LOXHD1: variants seen among roughly 807,000 people sequenced by gnomAD.
The protein encoded by LOXHD1 is lipoxygenase homology PLAT domains 1, also known as lipoxygenase homology domain-containing protein 1.
LOXHD1 carries 205 observed loss-of-function variants against 248.2 expected under a neutral mutation model. The observed-to-expected ratio is 0.83, with a 90% CI of 0.74 to 0.93. LOXHD1 has a LOEUF of 0.93. Among genes scored for constraint, LOXHD1 ranks in the 40% least tolerant of loss-of-function variants. The probability of loss-of-function intolerance (pLI) is 0.00; values close to 1 mark genes in which losing one functional copy is unlikely to be tolerated. For synonymous variants in LOXHD1, 1,113 were observed against 1,162.8 expected (o/e 0.96, Z 0.87); for missense variants, 2,930 against 2,971.6 (o/e 0.99, Z 0.33).
At chr18:46,596,108 A>G (rs1367145249) in intron 8 of LOXHD1, among the ~76,000 whole-genome samples, 1 of 151,460 alleles carries the variant, frequency 6.6e-6, no homozygotes, top group Non-Finnish European at 1.5e-5. Flanking sequence ...TTTGTTAAAC[A>G]TAACTATCCT....
rs555276019 is a variant in LOXHD1 at position 46,591,446 on chromosome 18, T to TG, written c.1654+486_1654+487insC. 7.2e-5 allele frequency among the ~76,000 whole-genome samples: 11 copies of TG among 152,352 alleles called. No homozygotes were observed. In the East Asian group the frequency reaches 2.1e-3, roughly 29 times the overall value. ...CTAGAGGCAAAATGACTTCTTCCCT[T>TG]TGGCTATTTGAATGTGGCTCCTGGA... On this transcript the variant is annotated intron_variant, in intron 12 of 40. Transcript: ENST00000642948.
intron 22 of LOXHD1, among the ~76,000 whole-genome samples, chr18:46,545,819 C>G (rs539004702): frequency 1.1e-3 from 165 of 150,932 alleles, no homozygotes; most frequent in African/African-American, 4.0e-3. Flanking sequence ...TTAGTAGAGA[C>G]GGGGTTTCAC....
At chr18:46,588,975 G>A (rs1321618979) in intron 12 of LOXHD1, among the ~76,000 whole-genome samples, 2 of 152,196 alleles carry the variant, frequency 1.3e-5, no homozygotes, top group African/African-American at 4.8e-5. Context: ...AGAAGGGGCA[G>A]CTTCACGGGA....
intron 2 of LOXHD1, among the ~76,000 whole-genome samples, chr18:46,648,578 G>A (rs7233030): frequency 0.11 from 16,651 of 152,156 alleles, 978 homozygotes; most frequent in Middle Eastern, 0.17. Flanking sequence ...TGGTGTATGC[G>A]TGCATGCAGT....
At chr18:46,559,233 A>C in intron 20 of LOXHD1, 1 of 1,504,478 alleles carries the variant, frequency 6.6e-7, no homozygotes, top group Non-Finnish European at 8.9e-7. Flanking sequence ...CAGCTGGCCC[A>C]TGGGCTCTAG....
chr18:46,591,919 C>T lies in LOXHD1; in HGVS notation c.1654+14G>A. 3 of 1,551,604 alleles carry T rather than the reference C, an allele frequency of 1.9e-6. No individual in the cohort carries two copies. The highest frequency in any genetic ancestry group is 2.6e-6 in the Non-Finnish European group (3 of 1,146,858). On this transcript the variant is annotated intron_variant, in intron 12 of 40. Transcript: ENST00000642948. ...TCCACTGCCTCCCAGGATGGAGAGC[C>T]TGTCAGTACTTACTGCCCATGATCC... is the stretch of plus-strand genomic sequence containing the variant.
chr18:46,656,907 T>A lies in LOXHD1; in HGVS notation c.127A>T (p.Arg43Ter). Reference sequence around the variant, plus strand: ...CCCGCAGGCTGGGACCCCGCACCTCTGGCCTTGTAGTACTCGTGTTCCAGC... The same window carrying A: ...CCCGCAGGCTGGGACCCCGCACCTCAGGCCTTGTAGTACTCGTGTTCCAGC... ...GELEHEYYKA[R>*]VYEVVTATGD... Residue 43 changes from arginine to a stop codon, truncating the protein, a stop_gained, in exon 1 of 41, where the codon AGA becomes TGA. Coordinates refer to ENST00000642948, the MANE Select transcript of LOXHD1 (RefSeq NM_001384474.1). LOFTEE classifies it high-confidence loss of function. 1.9e-6 allele frequency: 3 copies of A among 1,551,488 alleles called. No homozygotes were observed. The highest frequency in any genetic ancestry group is 2.6e-6 in the Non-Finnish European group (3 of 1,146,852).
chr18:46,639,060 C>T (rs1161677497), intron 4 of LOXHD1, among the ~76,000 whole-genome samples: 3 of 152,164 alleles, frequency 2.0e-5, no homozygotes, highest in African/African-American at 2.4e-5. Context: ...ATCTGCCTCC[C>T]ATTATTCCCG....
intron 15 of LOXHD1, among the ~76,000 whole-genome samples, chr18:46,570,833 C>T (rs919930993): frequency 1.2e-4 from 19 of 152,318 alleles, no homozygotes; most frequent in African/African-American, 4.3e-4. Context: ...GGGCCACATG[C>T]GTGCGGGCTG....
intron 26 of LOXHD1, among the ~76,000 whole-genome samples, chr18:46,535,111 T>C (rs1254498406): frequency 1.3e-5 from 2 of 152,166 alleles, no homozygotes; most frequent in Non-Finnish European, 2.9e-5. Flanking sequence ...TGTTGCATAG[T>C]GGAGCCCCTC....
chr18:46,610,984 C>A, intron 5 of LOXHD1, 60 bp from the exon 6 acceptor site: 9 of 1,533,390 alleles, frequency 5.9e-6, no homozygotes, highest in East Asian at 2.5e-5. Flanking sequence ...AATTTCCAAG[C>A]CTTCATGGTC....
At chr18:46,651,624 GCTACTTCTTA>G (rs1568235720) in intron 1 of LOXHD1, among the ~76,000 whole-genome samples, 1 of 151,886 alleles carries the variant, frequency 6.6e-6, no homozygotes, top group African/African-American at 2.4e-5. Flanking sequence ...GGGATGCACA[GCTACTTCTTA>G]AATGGACACA....
chr18:46,618,801 G>A (rs2038627021), intron 4 of LOXHD1, among the ~76,000 whole-genome samples: 1 of 152,196 alleles, frequency 6.6e-6, no homozygotes, highest in Non-Finnish European at 1.5e-5. Context: ...TTCTGCAGAT[G>A]AAAATCAAAT....
At position 46,477,707 on chromosome 18, in the gene LOXHD1, T is replaced by C. The variant is rs2032132817; in HGVS notation, c.6587A>G (p.Asn2196Ser). Residue 2196 changes from asparagine (N) to serine (S), a missense_variant, in exon 41 of 41, where the codon AAC becomes AGC. Transcript: ENST00000642948. ...GKRELKQKMRNLFERGSTDRF... is the reference protein window; with the variant it reads ...GKRELKQKMRSLFERGSTDRF... ...GTCTGTGCTGCCCCGCTCGAAGAGGTTGCGCATTTTCTGCTTCAGCTCCCG... is the reference window on the plus strand; with the variant it reads ...GTCTGTGCTGCCCCGCTCGAAGAGGCTGCGCATTTTCTGCTTCAGCTCCCG... 1.3e-6 allele frequency: 2 copies of C among 1,551,860 alleles called. No individual in the cohort carries two copies. Among genetic ancestry groups the C allele is most frequent in the Non-Finnish European group, 1.7e-6 (2 of 1,147,022 alleles).
At chr18:46,648,724 G>A (rs1003757986) in intron 2 of LOXHD1, among the ~76,000 whole-genome samples, 5 of 152,198 alleles carry the variant, frequency 3.3e-5, no homozygotes, top group Non-Finnish European at 7.3e-5. Flanking sequence ...ATGGCTGGCA[G>A]GCAGGTTTAA....
At chr18:46,651,294 A>G (rs1488176354) in intron 1 of LOXHD1, among the ~76,000 whole-genome samples, 1 of 152,092 alleles carries the variant, frequency 6.6e-6, no homozygotes, top group African/African-American at 2.4e-5. Context: ...GCAGCCATAT[A>G]TTTGCACAAC....
rs1169021433 is a variant in LOXHD1, at chr18:46,604,133, T to G, written c.856A>C (p.Ile286Leu). The change falls in exon 7 of 41, where the codon ATC becomes CTC. Residue 286 changes from isoleucine to leucine, a missense_variant. Physicochemically the swap from Ile to Leu is conservative, Grantham distance 5. Coordinates refer to ENST00000642948, the MANE Select transcript of LOXHD1 (RefSeq NM_001384474.1). Reference protein sequence around the residue: ...DEDDGKIQRDILVGGAETTAI... With the variant: ...DEDDGKIQRDLLVGGAETTAI... ...GTGGTCTCAGCTCCGCCCACTAAGA[T>G]ATCCCTTTGGATTTTGCCATCGTCT... 3.2e-6 allele frequency: 5 copies of G among 1,551,632 alleles called. No individual in the cohort carries two copies. The highest frequency in any genetic ancestry group is 4.4e-6 in the Non-Finnish European group (5 of 1,146,994).
chr18:46,550,326 C>A (rs527479894), intron 21 of LOXHD1, among the ~76,000 whole-genome samples: 1 of 152,192 alleles, frequency 6.6e-6, no homozygotes, highest in East Asian at 1.9e-4. Context: ...GTAATCCCAG[C>A]ACTTTGGGAG....
intron 27 of LOXHD1, 65 bp downstream of exon 27, chr18:46,534,269 AT>A: frequency 8.8e-7 from 1 of 1,142,130 alleles, no homozygotes; most frequent in Non-Finnish European, 1.3e-6. Flanking sequence ...CTCACAGGGA[AT>A]TTGCCTTGAA....
Sources: allele counts gnomAD v4.1 joint callset (sites outside exome capture counted in the v4.1 genomes callset), GRCh38; gene constraint gnomAD v4.1.1; transcripts MANE v1.5; gene names NCBI Gene and HGNC (gene_info 2026-07-23, HGNC 2026-07-21).